Variants in SYNE2 observed in about 807,000 individuals in gnomAD.
The protein encoded by SYNE2 is nesprin-2.
Under a neutral mutation model 856.3 loss-of-function variants are expected in SYNE2, and 431 were observed. The observed-to-expected ratio is 0.50, with a 90% CI of 0.47 to 0.55. The LOEUF (loss-of-function observed/expected upper bound fraction) is 0.55. Ranked by LOEUF, SYNE2 falls within the 20% of genes least tolerant of loss-of-function variation. SYNE2 has a pLI of 0.00. For synonymous variants in SYNE2, 2,923 were observed against 2,872.3 expected (o/e 1.02, Z -0.56); for missense variants, 8,129 against 8,023.2 (o/e 1.01, Z -0.50).
chr14:64,180,757 G>T (rs1485452361), intron 96 of SYNE2, among the ~76,000 whole-genome samples: 1 of 152,074 alleles, frequency 6.6e-6, no homozygotes, highest in East Asian at 1.9e-4. Flanking sequence ...ACCTGCTTTG[G>T]CCTCCCAAAG....
At chr14:63,896,294 T>A (rs2095251478) in intron 1 of SYNE2, among the ~76,000 whole-genome samples, 1 of 152,160 alleles carries the variant, frequency 6.6e-6, no homozygotes. Context: ...AGTACAATGG[T>A]AGGTTTCTCT....
At chr14:64,022,093 C>T (rs2096939849) in intron 37 of SYNE2, 65 bp downstream of exon 37, 5 of 1,473,684 alleles carry the variant, frequency 3.4e-6, no homozygotes, top group African/African-American at 2.8e-5. Flanking sequence ...GTACTGTGAA[C>T]ACAAAAGCTA....
intron 1 of SYNE2, among the ~76,000 whole-genome samples, chr14:63,774,879 T>C (rs1471576538): frequency 6.6e-6 from 1 of 152,202 alleles, no homozygotes; most frequent in East Asian, 1.9e-4. Flanking sequence ...ATTACAGCAT[T>C]AATAATATGA....
At chr14:63,878,040 C>T (rs1350977299) in intron 1 of SYNE2, among the ~76,000 whole-genome samples, 2 of 152,046 alleles carry the variant, frequency 1.3e-5, no homozygotes. Flanking sequence ...CAGGTGTGTG[C>T]CACCACACCT....
chr14:63,839,413 G>C (rs1297078696), intron 1 of SYNE2, among the ~76,000 whole-genome samples: 3 of 152,230 alleles, frequency 2.0e-5, no homozygotes, highest in African/African-American at 7.2e-5. Flanking sequence ...TTACTAATAA[G>C]ATTGAGCATT....
chr14:63,795,225 G>A (rs1268844194), intron 1 of SYNE2, among the ~76,000 whole-genome samples: 1 of 152,108 alleles, frequency 6.6e-6, no homozygotes, highest in African/African-American at 2.4e-5. Context: ...GGCTGGGGAA[G>A]GCAGACCCAC....
At position 63,815,983 on chromosome 14, in the gene SYNE2, C is replaced by T. The variant is rs1272643055; in HGVS notation, c.-304-36518C>T. Among the ~76,000 whole-genome samples, 11 of 132,256 alleles carry T rather than the reference C, an allele frequency of 8.3e-5. No homozygotes were observed. The Admixed American group carries it at 9.7e-4, about 12-fold the overall frequency. 86.8% of individuals were successfully genotyped at this position (132,256 alleles called of 152,430 possible). ...TTTTTTTTTTGAGATGGGAGTCTTG[C>T]TCTGTCACAGGCTGAAGTGCAGTGG... On this transcript the variant is annotated intron_variant, in intron 1 of 23. Transcript: ENST00000674003.
intron 38 of SYNE2, chr14:64,023,135 T>C: frequency 2.5e-6 from 1 of 399,484 alleles, no homozygotes; most frequent in Non-Finnish European, 4.6e-6. Context: ...CAAGTACCTG[T>C]AGTCCCAGGT....
chr14:64,136,808 T>C (rs192860336), intron 78 of SYNE2, among the ~76,000 whole-genome samples: 3 of 152,338 alleles, frequency 2.0e-5, no homozygotes, highest in Admixed American at 2.0e-4. Context: ...AATACTATTT[T>C]ATTTATCCTC....
chr14:63,859,593 C>T (rs536640711), intron 1 of SYNE2, among the ~76,000 whole-genome samples: 3 of 151,980 alleles, frequency 2.0e-5, no homozygotes, highest in African/African-American at 4.8e-5. Flanking sequence ...CCAAGGCAGG[C>T]GGATCACGAG....
chr14:64,082,663 G>A (rs1314332328), intron 57 of SYNE2, among the ~76,000 whole-genome samples: 1 of 152,176 alleles, frequency 6.6e-6, no homozygotes, highest in Non-Finnish European at 1.5e-5. Flanking sequence ...CATCCTTGTG[G>A]CTCCCTGTAA....
chr14:63,838,353 C>T (rs1051895515), intron 1 of SYNE2, among the ~76,000 whole-genome samples: 4 of 151,990 alleles, frequency 2.6e-5, no homozygotes, highest in African/African-American at 7.2e-5. Context: ...CAAAACAAAA[C>T]AAAAAAACTT....
At position 64,062,753 on chromosome 14, in the gene SYNE2, A is replaced by G. The variant is rs1034591406; in HGVS notation, c.10070A>G (p.Tyr3357Cys). 2 of 1,613,046 alleles carry G rather than the reference A, an allele frequency of 1.2e-6. No homozygotes were observed. The highest frequency in any genetic ancestry group is 2.2e-5 in the East Asian group (1 of 44,866). ...FKAQETEAER[Y>C]LENYKCYRKM... ...TTTTTCTAACTGTGACTCACTAGGT[A>G]TCTTGAGAATTACAAATGCTATAGA... The change falls in exon 50 of 116, where the codon TAT (tyrosine) becomes TGT (cysteine). Residue 3357 changes from tyrosine to cysteine, a missense_variant and splice_region_variant. By Grantham distance (194) the Tyr-to-Cys change is radical. Around this residue, in one of 3 missense-constraint regions of SYNE2, gnomAD observed 5,410 missense variants for 5,284.8 expected, o/e 1.02. Transcript: ENST00000555002.
Position 64,098,760 on chromosome 14 carries a change from G to C in SYNE2, c.12320G>C (p.Gly4107Ala), listed in dbSNP as rs1233754231. 1.9e-6 allele frequency: 3 copies of C among 1,614,062 alleles called. No individual in the cohort carries two copies. In the African/African-American group the frequency reaches 4.0e-5, roughly 22 times the overall value. Residue 4107 changes from glycine (G) to alanine (A), a missense_variant, in exon 63 of 116, where the codon GGC becomes GCC. Gly to Ala is a moderately conservative substitution (Grantham distance 60). Coordinates refer to ENST00000555002, the MANE Select transcript of SYNE2 (RefSeq NM_182914.3). ...DASERKLNRRGSMSYLAAVEE... is the reference protein window; with the variant it reads ...DASERKLNRRASMSYLAAVEE... ...TGTGCCTTTCAGTTGAACAGAAGAG[G>C]CTCCATGTCTTACCTGGCAGCAGTC...
intron 1 of SYNE2, among the ~76,000 whole-genome samples, chr14:63,857,452 T>C (rs888373206): frequency 6.6e-6 from 1 of 152,242 alleles, no homozygotes; most frequent in Non-Finnish European, 1.5e-5. Context: ...ACACAGTCTT[T>C]GTATGCATAT....
At chr14:64,101,305 A>ATC (rs2097727401) in intron 63 of SYNE2, among the ~76,000 whole-genome samples, 1 of 151,980 alleles carries the variant, frequency 6.6e-6, no homozygotes, top group African/African-American at 2.4e-5. Context: ...TATCTTTTTT[A>ATC]TATAAGCCAT....
At chr14:63,781,449 A>G (rs1887304386) in intron 1 of SYNE2, among the ~76,000 whole-genome samples, 1 of 152,064 alleles carries the variant, frequency 6.6e-6, no homozygotes, top group Non-Finnish European at 1.5e-5. Flanking sequence ...GCGCAAATAA[A>G]TAAGTATATA....
At chr14:64,194,633 A>C (rs1036088623) in intron 99 of SYNE2, among the ~76,000 whole-genome samples, 5 of 152,194 alleles carry the variant, frequency 3.3e-5, no homozygotes, top group Non-Finnish European at 5.9e-5. Context: ...AAAGTGACTC[A>C]GCAAAACTTC....
intron 54 of SYNE2, among the ~76,000 whole-genome samples, chr14:64,078,001 A>AT (rs1032197547): frequency 2.6e-5 from 4 of 152,156 alleles, no homozygotes; most frequent in African/African-American, 7.2e-5. Flanking sequence ...TTGGAATTAC[A>AT]TTTTTTTAAA....
Sources: allele counts gnomAD v4.1 joint callset (sites outside exome capture counted in the v4.1 genomes callset), GRCh38; gene constraint gnomAD v4.1.1; regional missense constraint gnomAD v4.1.1; transcripts MANE v1.5; gene names NCBI Gene and HGNC (gene_info 2026-07-23, HGNC 2026-07-21).